Variants in PIP4K2A observed in about 807,000 individuals in gnomAD.
The protein encoded by PIP4K2A is phosphatidylinositol 5-phosphate 4-kinase type-2 alpha.
In PIP4K2A, 14 loss-of-function variants were observed where a neutral mutation model predicts 42.9. The ratio of observed to expected loss-of-function variants is 0.33; its 90% CI spans 0.22 to 0.51. The LOEUF (loss-of-function observed/expected upper bound fraction) is 0.51, where lower values mean the gene tolerates loss of function less well. Ranked by LOEUF, PIP4K2A falls within the 20% of genes least tolerant of loss-of-function variation. PIP4K2A has a pLI of 0.97. For synonymous variants in PIP4K2A, 192 were observed against 192.2 expected, an observed-to-expected ratio of 1.00 and a Z score of 0.01; for missense variants, 434 against 519.8, an observed-to-expected ratio of 0.83 and a Z score of 1.61.
chr10:22,584,478 T>A (rs564916200), intron 4 of PIP4K2A, among the ~76,000 whole-genome samples: 27 of 152,242 alleles, frequency 1.8e-4, no homozygotes, highest in African/African-American at 5.1e-4. Context: ...AAAGATGTAC[T>A]TGCTGGAGAA....
At chr10:22,575,867 G>A (rs773156019) in intron 4 of PIP4K2A, among the ~76,000 whole-genome samples, 30 of 152,064 alleles carry the variant, frequency 2.0e-4, no homozygotes, top group Non-Finnish European at 3.5e-4. Flanking sequence ...GAACCCAGGA[G>A]GCGGAGGTTT....
intron 1 of PIP4K2A, among the ~76,000 whole-genome samples, chr10:22,633,809 A>C (rs192089013): frequency 1.6e-4 from 24 of 152,276 alleles, no homozygotes; most frequent in African/African-American, 5.8e-4. Context: ...TATGGAGGCA[A>C]CTGGGCATAA....
intron 3 of PIP4K2A, among the ~76,000 whole-genome samples, chr10:22,595,307 T>G (rs1046531049): frequency 8.5e-5 from 13 of 152,220 alleles, no homozygotes; most frequent in African/African-American, 3.1e-4. Context: ...TGTCTAAAGC[T>G]TTCTATGAAC....
intron 1 of PIP4K2A, among the ~76,000 whole-genome samples, chr10:22,644,922 A>C (rs1172555542): frequency 6.6e-6 from 1 of 152,250 alleles, no homozygotes. Context: ...TGCTTCGGTT[A>C]ATTTCCAGAT....
At chr10:22,677,490 T>G (rs545961111) in intron 1 of PIP4K2A, among the ~76,000 whole-genome samples, 1 of 152,176 alleles carries the variant, frequency 6.6e-6, no homozygotes, top group Non-Finnish European at 1.5e-5. Context: ...TCCCTGCAGA[T>G]AGCCACAAGG....
intron 4 of PIP4K2A, among the ~76,000 whole-genome samples, chr10:22,575,805 G>C (rs1837101163): frequency 6.6e-6 from 1 of 151,978 alleles, no homozygotes; most frequent in African/African-American, 2.4e-5. Context: ...GGGTGTGGTG[G>C]TGCACACCCG....
intron 1 of PIP4K2A, among the ~76,000 whole-genome samples, chr10:22,693,521 G>C (rs1276500122): frequency 6.6e-6 from 1 of 152,060 alleles, no homozygotes. Context: ...GTGTCTATAA[G>C]AAAGCAAAAA....
chr10:22,598,311 T>C (rs1456387962), intron 3 of PIP4K2A, among the ~76,000 whole-genome samples: 1 of 152,116 alleles, frequency 6.6e-6, no homozygotes, highest in Non-Finnish European at 1.5e-5. Flanking sequence ...CGAGCCATGA[T>C]TGTACCACTG....
At chr10:22,537,709 C>T (rs998896736) in intron 9 of PIP4K2A, among the ~76,000 whole-genome samples, 6 of 152,192 alleles carry the variant, frequency 3.9e-5, no homozygotes, top group Admixed American at 6.5e-5. Flanking sequence ...ACCTTAATGA[C>T]GATGACTTAA....
chr10:22,711,032 T>C (rs1162123471), intron 1 of PIP4K2A, among the ~76,000 whole-genome samples: 2 of 152,222 alleles, frequency 1.3e-5, no homozygotes, highest in African/African-American at 4.8e-5. Flanking sequence ...TAATTCTAAA[T>C]GTAACAAGAC....
rs1473272923 is a variant in PIP4K2A, at chr10:22,714,410, G to T, written c.-84C>A. 7 of 999,490 alleles carry T rather than the reference G, an allele frequency of 7.0e-6. No homozygotes were observed. Among genetic ancestry groups the T allele is most frequent in the Non-Finnish European group, 8.7e-6 (7 of 807,856 alleles). 61.9% of individuals were successfully genotyped at this position (999,490 alleles called of 1,614,324 possible). On this transcript the variant is annotated 5_prime_UTR_variant, in exon 1 of 10. Coordinates refer to ENST00000376573, the MANE Select transcript of PIP4K2A (RefSeq NM_005028.5). ...TACACCCCGGCCCGGGGAGGCAGCC[G>T]CATCCCCCCGGCGGCGGCCCCGGCG... is the stretch of plus-strand genomic sequence containing the variant.
chr10:22,706,244 C>A lies in PIP4K2A; in HGVS notation c.144+7939G>T, dbSNP rs187478171. Reference sequence around the variant, plus strand: ...TCTATCTAATCCTCAAGGTCCTCCTCATTGTTACCTCCTCTCAAGGATTCT... The same window carrying A: ...TCTATCTAATCCTCAAGGTCCTCCTAATTGTTACCTCCTCTCAAGGATTCT... On this transcript the variant is annotated intron_variant, in intron 1 of 9. Coordinates refer to ENST00000376573, the MANE Select transcript of PIP4K2A (RefSeq NM_005028.5). Among the ~76,000 whole-genome samples the A allele has an allele frequency of 4.3e-4, 66 of 152,284 alleles. 1 individual carries two copies. The highest frequency in any genetic ancestry group is 1.5e-3 in the African/African-American group (63 of 41,544).
intron 1 of PIP4K2A, among the ~76,000 whole-genome samples, chr10:22,618,364 C>T (rs775651804): frequency 6.6e-6 from 1 of 152,096 alleles, no homozygotes; most frequent in Non-Finnish European, 1.5e-5. Flanking sequence ...GAGGTTCATT[C>T]GCTTTAAGAA....
intron 8 of PIP4K2A, among the ~76,000 whole-genome samples, chr10:22,540,917 A>G (rs1363316284): frequency 1.3e-5 from 2 of 152,212 alleles, no homozygotes; most frequent in Non-Finnish European, 2.9e-5. Flanking sequence ...TTGACTATCT[A>G]ATTTTCTGTG....
At chr10:22,685,458 G>T (rs1839745924) in intron 1 of PIP4K2A, among the ~76,000 whole-genome samples, 1 of 152,160 alleles carries the variant, frequency 6.6e-6, no homozygotes, top group South Asian at 2.1e-4. Context: ...TCTTTGGGAG[G>T]CTGAGGCAGG....
intron 1 of PIP4K2A, among the ~76,000 whole-genome samples, chr10:22,630,878 C>T (rs192223560): frequency 1.3e-5 from 2 of 152,300 alleles, no homozygotes; most frequent in African/African-American, 4.8e-5. Flanking sequence ...CATCATCCAC[C>T]CAATTAAGCC....
intron 1 of PIP4K2A, among the ~76,000 whole-genome samples, chr10:22,653,343 T>A (rs553132659): frequency 3.3e-5 from 5 of 152,092 alleles, no homozygotes; most frequent in African/African-American, 1.2e-4. Context: ...CTCCTCCACC[T>A]CTTTCTACCC....
chr10:22,630,208 C>T (rs533423646), intron 1 of PIP4K2A, among the ~76,000 whole-genome samples: 85 of 150,540 alleles, frequency 5.6e-4, no homozygotes, highest in Admixed American at 1.1e-3. Context: ...TGGTGGCATG[C>T]ACTTGTGGTC....
At chr10:22,598,384 G>C (rs1837680033) in intron 3 of PIP4K2A, among the ~76,000 whole-genome samples, 2 of 152,086 alleles carry the variant, frequency 1.3e-5, no homozygotes, top group Non-Finnish European at 2.9e-5. Context: ...GACAAAATTG[G>C]GGATTCTGCA....
Sources: allele counts gnomAD v4.1 joint callset (sites outside exome capture counted in the v4.1 genomes callset), GRCh38; gene constraint gnomAD v4.1.1; transcripts MANE v1.5; gene names NCBI Gene and HGNC (gene_info 2026-07-23, HGNC 2026-07-21).